The following MYO5B variants were observed in gnomAD, a reference collection of about 807,000 sequenced individuals.
MYO5B encodes the protein myosin VB.
MYO5B carries 143 observed loss-of-function variants against 229.3 expected under a neutral mutation model. The observed-to-expected ratio is 0.62, with a 90% CI of 0.54 to 0.72. MYO5B has a LOEUF of 0.72. MYO5B is among the 30% of genes least tolerant of loss of function. The probability of loss-of-function intolerance (pLI) is 0.00; values close to 1 mark genes in which losing one functional copy is unlikely to be tolerated. For synonymous variants in MYO5B, 918 were observed against 885.2 expected, an observed-to-expected ratio of 1.04 and a Z score of -0.66; for missense variants, 2,321 against 2,331.0, an observed-to-expected ratio of 1.00 and a Z score of 0.09.
chr18:50,004,600 T>C (rs541283912), intron 4 of MYO5B, among the ~76,000 whole-genome samples: 1 of 152,316 alleles, frequency 6.6e-6, no homozygotes, highest in African/African-American at 2.4e-5. Context: ...TTGCACATAC[T>C]AGGCACTTCC....
rs545678016 is a variant in MYO5B, at chr18:50,185,783, A to AT, written c.27+8983dup. ...GATCTTGGCAATTTAAAAAATGTATATTTTTAAGAAAAAATTACAGTACAT... is the reference window on the plus strand; with the variant it reads ...GATCTTGGCAATTTAAAAAATGTATATTTTTTAAGAAAAAATTACAGTACAT... On this transcript the variant is annotated intron_variant, in intron 1 of 39. Transcript: ENST00000285039. Among the ~76,000 whole-genome samples, 1,209 of 152,358 alleles carry AT rather than the reference A, an allele frequency of 7.9e-3. 10 individuals carry two copies. Among genetic ancestry groups the AT allele is most frequent in the Non-Finnish European group, 0.013 (891 of 68,038 alleles).
chr18:50,187,805 CTG>C (rs1253414422), intron 1 of MYO5B, among the ~76,000 whole-genome samples: 3 of 152,174 alleles, frequency 2.0e-5, no homozygotes, highest in Non-Finnish European at 4.4e-5. Flanking sequence ...GTGTGAGTGA[CTG>C]TGCCTGGCTT....
intron 37 of MYO5B, 150 bp from the exon 38 acceptor site, chr18:49,837,035 G>T (rs541668842): frequency 6.6e-5 from 50 of 752,030 alleles, no homozygotes; most frequent in Non-Finnish European, 1.0e-4. Context: ...TTGCACTCAG[G>T]AACTATTTGT....
At chr18:50,011,893 G>C (rs1302849852) in intron 4 of MYO5B, among the ~76,000 whole-genome samples, 1 of 151,892 alleles carries the variant, frequency 6.6e-6, no homozygotes, top group African/African-American at 2.4e-5. Context: ...TAGGGCCTCT[G>C]ACACTCCAGG....
intron 4 of MYO5B, among the ~76,000 whole-genome samples, chr18:50,030,403 T>G (rs542777254): frequency 2.8e-4 from 43 of 152,308 alleles, no homozygotes; most frequent in Non-Finnish European, 5.1e-4. Flanking sequence ...CCACTCATAC[T>G]ATCAGCCTTG....
intron 17 of MYO5B, among the ~76,000 whole-genome samples, chr18:49,918,549 G>A (rs1486881391): frequency 2.6e-5 from 4 of 152,202 alleles, no homozygotes; most frequent in African/African-American, 9.6e-5. Flanking sequence ...CTAGCTGGAG[G>A]ATTCCTGGTC....
intron 1 of MYO5B, among the ~76,000 whole-genome samples, chr18:50,080,484 T>C (rs376765387): frequency 3.2e-4 from 49 of 152,304 alleles, no homozygotes; most frequent in African/African-American, 1.2e-3. Context: ...GACATTTTTA[T>C]ACAGCATGTG....
At chr18:50,129,036 T>G (rs531172826) in intron 1 of MYO5B, among the ~76,000 whole-genome samples, 1 of 152,332 alleles carries the variant, frequency 6.6e-6, no homozygotes, top group East Asian at 1.9e-4. Flanking sequence ...AAGTCACTGC[T>G]TAATGCAGGG....
At chr18:49,972,041 C>A (rs2025697731) in intron 10 of MYO5B, among the ~76,000 whole-genome samples, 1 of 152,134 alleles carries the variant, frequency 6.6e-6, no homozygotes, top group Non-Finnish European at 1.5e-5. Context: ...ACCCTGCCCT[C>A]ATGGAAGAGC....
At chr18:50,167,151 C>T (rs1399926354) in intron 1 of MYO5B, among the ~76,000 whole-genome samples, 1 of 152,196 alleles carries the variant, frequency 6.6e-6, no homozygotes, top group Non-Finnish European at 1.5e-5. Context: ...TGAACAAAGA[C>T]AAAAGAATCT....
chr18:50,140,180 G>T (rs2032396857), intron 1 of MYO5B, among the ~76,000 whole-genome samples: 1 of 152,170 alleles, frequency 6.6e-6, no homozygotes, highest in Admixed American at 6.5e-5. Context: ...AATCCTGTTT[G>T]GTTCTAGATA....
chr18:50,113,357 T>C (rs1450337244), intron 1 of MYO5B, among the ~76,000 whole-genome samples: 1 of 152,218 alleles, frequency 6.6e-6, no homozygotes, highest in Non-Finnish European at 1.5e-5. Context: ...CTCCCTGTGA[T>C]GCTGTCGTGA....
chr18:49,863,227 C>T lies in MYO5B; in HGVS notation c.3944G>A (p.Ser1315Asn). 1 of 1,612,358 alleles carries T rather than the reference C, an allele frequency of 6.2e-7. No individual in the cohort carries two copies. Among genetic ancestry groups the T allele is most frequent in the Non-Finnish European group, 8.5e-7 (1 of 1,179,484 alleles). Residue 1315 changes from serine (S) to asparagine (N), a missense_variant and splice_region_variant, in exon 29 of 40, where the codon AGC (serine) becomes AAC (asparagine). Physicochemically the swap from Ser to Asn is conservative, Grantham distance 46. Transcript: ENST00000285039. ...EAYHGVCQTN[S>N]KTEDWGYLNE... is the part of the protein sequence containing the mutation. ...GCACATTTGACCGCGGCGGCCTTACCTGTTTGTCTGGCAGACCCCGTGATA... is the reference window on the plus strand; with the variant it reads ...GCACATTTGACCGCGGCGGCCTTACTTGTTTGTCTGGCAGACCCCGTGATA...
intron 8 of MYO5B, among the ~76,000 whole-genome samples, chr18:49,981,413 T>C (rs1440795260): frequency 6.6e-6 from 1 of 152,204 alleles, no homozygotes; most frequent in Non-Finnish European, 1.5e-5. Context: ...CCTGTAAAAA[T>C]GGGAGGCACA....
At chr18:49,851,217 T>A (rs1205239999) in intron 31 of MYO5B, among the ~76,000 whole-genome samples, 1 of 152,170 alleles carries the variant, frequency 6.6e-6, no homozygotes, top group Non-Finnish European at 1.5e-5. Flanking sequence ...CTCAGTCATC[T>A]TCTCAGGAAA....
intron 4 of MYO5B, among the ~76,000 whole-genome samples, chr18:50,033,562 A>G (rs1004567213): frequency 6.6e-6 from 1 of 152,088 alleles, no homozygotes; most frequent in Non-Finnish European, 1.5e-5. Context: ...TACTTTATAA[A>G]CATCTGCTGA....
intron 14 of MYO5B, among the ~76,000 whole-genome samples, chr18:49,950,395 T>G (rs1482059504): frequency 6.6e-6 from 1 of 152,248 alleles, no homozygotes; most frequent in African/African-American, 2.4e-5. Flanking sequence ...ACACTTTTGA[T>G]GTGCATACTC....
intron 12 of MYO5B, among the ~76,000 whole-genome samples, chr18:49,958,661 C>A (rs1172624850): frequency 6.6e-6 from 1 of 152,176 alleles, no homozygotes; most frequent in Admixed American, 6.5e-5. Context: ...TTTTTCACAG[C>A]CAAGCCTCCA....
In MYO5B at chr18:49,999,455, G is replaced by C. The variant is rs551883160; in HGVS notation, c.612+1800C>G. On this transcript the variant is annotated intron_variant, in intron 5 of 39. Transcript: ENST00000285039. Reference sequence around the variant, plus strand: ...ATGCTGGAGTAAATATGCTACCAATGAAATGTCAGAAAAGAAGGAGTCAAA... The same window carrying C: ...ATGCTGGAGTAAATATGCTACCAATCAAATGTCAGAAAAGAAGGAGTCAAA... Among the ~76,000 whole-genome samples, 4 of 152,314 alleles carry C rather than the reference G, an allele frequency of 2.6e-5. No individual in the cohort carries two copies. In the East Asian group the frequency reaches 7.7e-4, roughly 29 times the overall value.
Sources: allele counts gnomAD v4.1 joint callset (sites outside exome capture counted in the v4.1 genomes callset), GRCh38; gene constraint gnomAD v4.1.1; transcripts MANE v1.5; gene names NCBI Gene and HGNC (gene_info 2026-07-23, HGNC 2026-07-21).